ANKRD30BL: variants seen among roughly 807,000 people sequenced by gnomAD.
ANKRD30BL encodes putative ankyrin repeat domain-containing protein 30B-like.
Under a neutral mutation model 18.4 loss-of-function variants are expected in ANKRD30BL, and 20 were observed. The ratio of observed to expected loss-of-function variants is 1.09; its 90% CI spans 0.77 to 1.58. The LOEUF (loss-of-function observed/expected upper bound fraction) is 1.58. Ranked by LOEUF, ANKRD30BL falls within the 40% of genes most tolerant of loss-of-function variation. ANKRD30BL has a pLI of 0.00. For synonymous variants in ANKRD30BL, 72 were observed against 100.9 expected, an observed-to-expected ratio of 0.71 and a Z score of 1.72; for missense variants, 224 against 268.6, an observed-to-expected ratio of 0.83 and a Z score of 1.16.
At chr2:132,192,070 T>C (rs1013217611) in intron 1 of ANKRD30BL, among the ~76,000 whole-genome samples, 3 of 152,192 alleles carry the variant, frequency 2.0e-5, no homozygotes, top group East Asian at 3.8e-4. Flanking sequence ...TTTTGTAAAA[T>C]TCTTTTTCTT....
At position 132,154,117 on chromosome 2, in the gene ANKRD30BL, C is replaced by T. The variant is rs1337355912; in HGVS notation, c.614+545G>A. On this transcript the variant is annotated intron_variant, in intron 4 of 5. Transcript: ENST00000409867. ...AGTACCTGGGACTACAGGCTTGTGC[C>T]ACCATGGTTGGCTAATTTTTATATT... 3.3e-5 allele frequency among the ~76,000 whole-genome samples: 5 copies of T among 152,108 alleles called. No homozygotes were observed. In the East Asian group the frequency reaches 9.7e-4, roughly 29 times the overall value.
At chr2:132,152,153 G>A (rs536278405) in intron 4 of ANKRD30BL, 217 of 152,232 alleles carry the variant, frequency 1.4e-3, no homozygotes, top group African/African-American at 4.7e-3. Flanking sequence ...AATCACAATT[G>A]CAATACTGGG....
chr2:132,234,481 A>G (rs1280250584), intron 1 of ANKRD30BL, among the ~76,000 whole-genome samples: 1 of 151,152 alleles, frequency 6.6e-6, no homozygotes, highest in Non-Finnish European at 1.5e-5. Context: ...TCAAATAGAC[A>G]CAATAAAAAA....
intron 1 of ANKRD30BL, among the ~76,000 whole-genome samples, chr2:132,206,086 A>T (rs539678080): frequency 6.6e-6 from 1 of 152,242 alleles, no homozygotes; most frequent in African/African-American, 2.4e-5. Context: ...TGAACCCGGG[A>T]GGTGGAGGTC....
At chr2:132,257,097 T>A (rs759544639) in intron 1 of ANKRD30BL, 1 of 485,760 alleles carries the variant, frequency 2.1e-6, no homozygotes, top group Non-Finnish European at 4.1e-6. Context: ...ACCCGCCTCA[T>A]GAGCCCCAGG....
intron 1 of ANKRD30BL, among the ~76,000 whole-genome samples, chr2:132,174,052 C>A (rs910177715): frequency 2.0e-5 from 3 of 152,160 alleles, no homozygotes; most frequent in Admixed American, 2.0e-4. Flanking sequence ...TCTCTCCCAA[C>A]GAACATAACT....
At chr2:132,230,063 C>G (rs1411306979) in intron 1 of ANKRD30BL, among the ~76,000 whole-genome samples, 2 of 152,056 alleles carry the variant, frequency 1.3e-5, no homozygotes, top group Non-Finnish European at 2.9e-5. Flanking sequence ...ACGTTTCAAA[C>G]ACGCTTTTTG....
intron 1 of ANKRD30BL, among the ~76,000 whole-genome samples, chr2:132,172,683 AGTT>A (rs1688302276): frequency 6.7e-6 from 1 of 149,172 alleles, no homozygotes; most frequent in South Asian, 2.1e-4. Context: ...CCATTCTTTG[AGTT>A]GTTGTTCCAC....
At chr2:132,179,776 C>A (rs1289629149) in intron 1 of ANKRD30BL, among the ~76,000 whole-genome samples, 1 of 151,992 alleles carries the variant, frequency 6.6e-6, no homozygotes, top group African/African-American at 2.4e-5. Context: ...AGGTGGAAGA[C>A]AATGATGTTG....
At chr2:132,155,461 C>T (rs1012283521) in intron 3 of ANKRD30BL, 16 of 152,168 alleles carry the variant, frequency 1.1e-4, no homozygotes, top group Non-Finnish European at 2.1e-4. Context: ...CAATGTCAGG[C>T]ACTCCTGCTC....
At chr2:132,173,665 T>G (rs1204499610) in intron 1 of ANKRD30BL, among the ~76,000 whole-genome samples, 5 of 152,160 alleles carry the variant, frequency 3.3e-5, no homozygotes, top group Non-Finnish European at 5.9e-5. Flanking sequence ...TGTAATTATT[T>G]TTTTTTTACT....
At chr2:132,257,191 C>T (rs939897042) in intron 1 of ANKRD30BL, 4 of 437,516 alleles carry the variant, frequency 9.1e-6, no homozygotes, top group Non-Finnish European at 1.8e-5. Flanking sequence ...ATCCTCCAAC[C>T]CGGTCAAGCT....
intron 1 of ANKRD30BL, among the ~76,000 whole-genome samples, chr2:132,205,371 G>A (rs1368133520): frequency 6.8e-6 from 1 of 148,136 alleles, no homozygotes; most frequent in East Asian, 1.9e-4. Context: ...AGCACTTTGG[G>A]AGGCCGAGGC....
chr2:132,229,207 G>A (rs965647121), intron 1 of ANKRD30BL, among the ~76,000 whole-genome samples: 22 of 151,944 alleles, frequency 1.4e-4, no homozygotes, highest in African/African-American at 5.1e-4. Flanking sequence ...GACCAGTTTT[G>A]AAATACTCTT....
At chr2:132,254,024 G>A (rs536338331) in intron 1 of ANKRD30BL, among the ~76,000 whole-genome samples, 2 of 151,502 alleles carry the variant, frequency 1.3e-5, no homozygotes, top group East Asian at 4.0e-4. Context: ...GGAGGGCACT[G>A]AGACCCCCAC....
intron 1 of ANKRD30BL, among the ~76,000 whole-genome samples, chr2:132,192,509 T>C (rs1016399471): frequency 1.3e-5 from 2 of 152,186 alleles, no homozygotes; most frequent in Admixed American, 6.5e-5. Context: ...GCGCTACCTC[T>C]TCCAGGCTGA....
intron 1 of ANKRD30BL, among the ~76,000 whole-genome samples, chr2:132,218,760 TA>T (rs1197381147): frequency 6.6e-6 from 1 of 152,002 alleles, no homozygotes; most frequent in East Asian, 1.9e-4. Flanking sequence ...TGGAAGTGGA[TA>T]TTTTGAACGC....
At chr2:132,188,487 C>T (rs866077390) in intron 1 of ANKRD30BL, among the ~76,000 whole-genome samples, 1 of 152,136 alleles carries the variant, frequency 6.6e-6, no homozygotes. Flanking sequence ...GAGGCTGAGG[C>T]GGGCGGATCA....
chr2:132,172,378 A>G (rs1688297683), intron 1 of ANKRD30BL, among the ~76,000 whole-genome samples: 1 of 152,106 alleles, frequency 6.6e-6, no homozygotes, highest in Non-Finnish European at 1.5e-5. Flanking sequence ...ATCCTCACTA[A>G]CACTTGTTAT....
Sources: allele counts gnomAD v4.1 joint callset (sites outside exome capture counted in the v4.1 genomes callset), GRCh38; gene constraint gnomAD v4.1.1; transcripts MANE v1.5; gene names NCBI Gene and HGNC (gene_info 2026-07-23, HGNC 2026-07-21).